Variants in FAM161B observed in about 807,000 individuals in gnomAD.
FAM161B encodes the protein protein FAM161B.
In FAM161B, 46 loss-of-function variants were observed where a neutral mutation model predicts 61.5. That is an observed-to-expected ratio of 0.75 (90% confidence interval 0.59 to 0.96). The LOEUF is 0.96. Among genes scored for constraint, FAM161B ranks in the 40% least tolerant of loss-of-function variants. The pLI is 0.00. For synonymous variants in FAM161B, 284 were observed against 302.7 expected, an observed-to-expected ratio of 0.94 and a Z score of 0.64; for missense variants, 774 against 800.7, an observed-to-expected ratio of 0.97 and a Z score of 0.40.
chr14:73,932,206 G>GTT (rs931208466), downstream of FAM161B: 1 of 334,456 alleles, frequency 3.0e-6, no homozygotes, highest in Non-Finnish European at 5.8e-6. Context: ...TCATGTTTTT[G>GTT]TTTTTTTAAA....
chr14:73,931,427 A>C, downstream of FAM161B: 4 of 1,351,262 alleles, frequency 3.0e-6, no homozygotes, highest in Non-Finnish European at 4.2e-6. Flanking sequence ...CTCCACTCTT[A>C]ATACTTTTTA....
rs2056119165 is a variant in FAM161B, at chr14:73,949,884, C to G, written c.54+89G>C. On this transcript the variant is annotated intron_variant, in intron 1 of 8. Coordinates refer to ENST00000286544, the MANE Select transcript of FAM161B (RefSeq NM_152445.3). Reference sequence around the variant, plus strand: ...ATTTTAATCCCACGCCCCTCCGTGACACGCCCCTGCTGTCTGTCTCCAAGG... The same window carrying G: ...ATTTTAATCCCACGCCCCTCCGTGAGACGCCCCTGCTGTCTGTCTCCAAGG... 5.2e-6 allele frequency: 8 copies of G among 1,540,102 alleles called. No homozygotes were observed. In the South Asian group the frequency reaches 9.8e-5, roughly 19 times the overall value.
chr14:73,932,822 C>T lies in FAM161B; in HGVS notation c.*1434G>A, dbSNP rs1332413283. On this transcript the variant is annotated 3_prime_UTR_variant, in exon 9 of 9. Coordinates refer to ENST00000286544, the MANE Select transcript of FAM161B (RefSeq NM_152445.3). ...GTGGTTTTTTTGGTAGAAATGAGGTCTGTGTTGCCCAGGCTGGTCTTGAAC... is the reference window on the plus strand; with the variant it reads ...GTGGTTTTTTTGGTAGAAATGAGGTTTGTGTTGCCCAGGCTGGTCTTGAAC... The T allele has an allele frequency of 3.0e-5, 6 of 200,060 alleles. No individual in the cohort carries two copies. The highest frequency in any genetic ancestry group is 6.2e-5 in the Non-Finnish European group (6 of 97,392). 12.4% of individuals were successfully genotyped at this position (200,060 alleles called of 1,614,324 possible).
At chr14:73,944,275 C>G (rs1236411161) in intron 3 of FAM161B, 60 bp downstream of exon 3, 15 of 1,524,178 alleles carry the variant, frequency 9.8e-6, no homozygotes, top group Admixed American at 2.1e-5. Flanking sequence ...CTGACTAAAT[C>G]CCTATGGTGG....
chr14:73,926,166 T>C, the FAM161B span, among the ~76,000 whole-genome samples: 1 of 152,220 alleles, frequency 6.6e-6, no homozygotes, highest in Non-Finnish European at 1.5e-5. Context: ...TATATTTCAG[T>C]ATATGCCTCT....
intron 8 of FAM161B, among the ~76,000 whole-genome samples, chr14:73,935,620 T>C (rs551789352): frequency 1.3e-5 from 2 of 152,104 alleles, no homozygotes; most frequent in Non-Finnish European, 2.9e-5. Flanking sequence ...AACAGTTTTA[T>C]AGTTTTATAA....
rs766417944 is a variant in FAM161B at position 73,942,451 on chromosome 14, C to A, written c.1190G>T (p.Arg397Leu). The A allele has an allele frequency of 4.3e-6, 7 of 1,614,172 alleles. No individual in the cohort carries two copies. In the Admixed American group the frequency reaches 8.3e-5, roughly 19 times the overall value. ...GGTCCTCAGCAAGAAGGGCTTGTTG[C>A]GAGTGGCCTCTTGGGTTTCTCTTCT... Reference protein sequence around the residue: ...AKRRETQEATRNKPFLLRTAN... With the variant: ...AKRRETQEATLNKPFLLRTAN... The change falls in exon 4 of 9, where the codon CGC (arginine) becomes CTC (leucine). Residue 397 changes from arginine to leucine, a missense_variant. Transcript: ENST00000286544.
Position 73,938,094 on chromosome 14 carries a change from C to G in FAM161B, c.1419G>C (p.Lys473Asn). 6.2e-7 allele frequency: 1 copy of G among 1,614,014 alleles called. No homozygotes were observed. The highest frequency in any genetic ancestry group is 8.5e-7 in the Non-Finnish European group (1 of 1,179,986). Residue 473 changes from lysine to asparagine, a missense_variant, in exon 6 of 9, where the codon AAG becomes AAC. Transcript: ENST00000286544. Reference protein sequence around the residue: ...ESAVRSALEKKNKADESIQWL... With the variant: ...ESAVRSALEKNNKADESIQWL... ...ACTGAATACTCTCATCTGCTTTGTT[C>G]TTTTTTTCAAGTGCACTTCTAAAGG...
chr14:73,943,847 A>C (rs1412212552), intron 3 of FAM161B, among the ~76,000 whole-genome samples: 1 of 152,234 alleles, frequency 6.6e-6, no homozygotes, highest in Non-Finnish European at 1.5e-5. Flanking sequence ...AGCATGGCAC[A>C]TGCTACCGAA....
the FAM161B span, chr14:73,923,411 A>T: frequency 6.2e-7 from 1 of 1,613,320 alleles, no homozygotes; most frequent in South Asian, 1.1e-5. Context: ...TTGCTGAAGG[A>T]TCCCCACGTT....
In FAM161B at chr14:73,932,504, T is replaced by C. The variant is rs1205906182; in HGVS notation, c.*1752A>G. ...CTGAGAAAATGGCAATAAAAACAGATACTTCTGAATTTTTCCACAAAGATA... is the reference window on the plus strand; with the variant it reads ...CTGAGAAAATGGCAATAAAAACAGACACTTCTGAATTTTTCCACAAAGATA... On this transcript the variant is annotated 3_prime_UTR_variant, in exon 9 of 9. Coordinates refer to ENST00000286544, the MANE Select transcript of FAM161B (RefSeq NM_152445.3). The C allele has an allele frequency of 4.4e-6, 2 of 450,198 alleles. No homozygotes were observed. Among genetic ancestry groups the C allele is most frequent in the South Asian group, 3.2e-5 (2 of 63,072 alleles). 27.9% of individuals were successfully genotyped at this position (450,198 alleles called of 1,614,324 possible).
chr14:73,923,308 T>TA, the FAM161B span: 1 of 1,447,094 alleles, frequency 6.9e-7, no homozygotes. Flanking sequence ...AATAGAGTTT[T>TA]AGAGTTGTTA....
In FAM161B at chr14:73,933,784, T is replaced by TC. The variant is rs1445034705; in HGVS notation, c.*471dup. On this transcript the variant is annotated 3_prime_UTR_variant, in exon 9 of 9. Coordinates refer to ENST00000286544, the MANE Select transcript of FAM161B (RefSeq NM_152445.3). ...AGGCTACCATCCCTCCACCTGAGCC[T>TC]CCCCACTTTGATTTCCTTGAACTAT... 4.6e-5 allele frequency: 7 copies of TC among 152,878 alleles called. No individual in the cohort carries two copies. Among genetic ancestry groups the TC allele is most frequent in the Admixed American group, 4.6e-4 (7 of 15,336 alleles). The allele number at this position is 152,878 out of a possible 1,614,324, so 9.5% of individuals were successfully genotyped here.
chr14:73,934,134 A>T lies in FAM161B; in HGVS notation c.*122T>A. Reference sequence around the variant, plus strand: ...ACTGCGCCTGGCCTGTTAATCTGCTACTCTTCATTTGTCCATCCTCTAACA... The same window carrying T: ...ACTGCGCCTGGCCTGTTAATCTGCTTCTCTTCATTTGTCCATCCTCTAACA... On this transcript the variant is annotated 3_prime_UTR_variant, in exon 9 of 9. Transcript: ENST00000286544. The T allele has an allele frequency of 8.3e-7, 1 of 1,202,798 alleles. No homozygotes were observed. Among genetic ancestry groups the T allele is most frequent in the Non-Finnish European group, 1.1e-6 (1 of 871,306 alleles). The allele number at this position is 1,202,798 out of a possible 1,614,324, so 74.5% of individuals were successfully genotyped here.
chr14:73,941,262 G>T (rs2056016325), intron 4 of FAM161B, among the ~76,000 whole-genome samples: 1 of 151,870 alleles, frequency 6.6e-6, no homozygotes, highest in Non-Finnish European at 1.5e-5. Flanking sequence ...GGACTATACA[G>T]GTTGTGAGCC....
chr14:73,946,244 G>GGA (rs2056064967), intron 2 of FAM161B, 42 bp downstream of exon 2: 1 of 1,576,908 alleles, frequency 6.3e-7, no homozygotes, highest in Admixed American at 1.7e-5. Context: ...TGACCTGTGT[G>GGA]GAGGTGTGGA....
intron 2 of FAM161B, among the ~76,000 whole-genome samples, chr14:73,945,526 A>G (rs1451756954): frequency 1.3e-5 from 2 of 151,538 alleles, no homozygotes; most frequent in African/African-American, 4.9e-5. Flanking sequence ...CACCTCCCAG[A>G]TTCAAGCAAT....
intron 2 of FAM161B, among the ~76,000 whole-genome samples, chr14:73,945,792 A>T (rs2056061288): frequency 6.6e-6 from 1 of 151,330 alleles, no homozygotes; most frequent in South Asian, 2.1e-4. Context: ...CTCAGGCTGG[A>T]GTGCAGTGGC....
chr14:73,939,607 G>T (rs11628813), intron 5 of FAM161B, among the ~76,000 whole-genome samples: 62,777 of 152,012 alleles, frequency 0.41, 13,886 homozygotes, highest in South Asian at 0.5. Context: ...CACTCTGCTG[G>T]AAACAGTGGG....
Sources: allele counts gnomAD v4.1 joint callset (sites outside exome capture counted in the v4.1 genomes callset), GRCh38; gene constraint gnomAD v4.1.1; transcripts MANE v1.5; gene names NCBI Gene and HGNC (gene_info 2026-07-23, HGNC 2026-07-21).